The following DIAPH3 variants were observed in gnomAD, a reference collection of about 807,000 sequenced individuals.
The protein encoded by DIAPH3 is diaphanous related formin 3, also known as protein diaphanous homolog 3.
Under a neutral mutation model 144.3 loss-of-function variants are expected in DIAPH3, and 117 were observed. That is an observed-to-expected ratio of 0.81 (90% confidence interval 0.70 to 0.95). The LOEUF is 0.95. Ranked by LOEUF, DIAPH3 falls within the 40% of genes least tolerant of loss-of-function variation. The pLI, the probability that DIAPH3 is intolerant of heterozygous loss-of-function variation, is 0.00. For missense variants in DIAPH3, 1,421 were observed against 1,412.7 expected (o/e 1.01, Z -0.09); for synonymous variants, 519 against 488.9 (o/e 1.06, Z -0.81).
chr13:59,888,288 A>G (rs2045574498), intron 20 of DIAPH3, among the ~76,000 whole-genome samples: 1 of 152,122 alleles, frequency 6.6e-6, no homozygotes, highest in East Asian at 1.9e-4. Flanking sequence ...AAGGCAACAT[A>G]TATGAATCAG....
intron 5 of DIAPH3, among the ~76,000 whole-genome samples, chr13:60,029,054 T>C (rs1438191385): frequency 2.1e-5 from 1 of 47,286 alleles, no homozygotes; most frequent in Non-Finnish European, 4.0e-5. Flanking sequence ...CAAGACTCCG[T>C]CTCAAAAAAA....
chr13:59,711,177 T>C (rs528627701), intron 27 of DIAPH3, among the ~76,000 whole-genome samples: 1 of 152,270 alleles, frequency 6.6e-6, no homozygotes, highest in Admixed American at 6.5e-5. Flanking sequence ...ACTCATAAAA[T>C]ACACTCCCCA....
intron 27 of DIAPH3, among the ~76,000 whole-genome samples, chr13:59,714,254 GGAGGCTGAGGCAGGA>G (rs1373887169): frequency 6.7e-6 from 1 of 150,260 alleles, no homozygotes; most frequent in Non-Finnish European, 1.5e-5. Context: ...CAGCTACTTG[GGAGGCTGAGGCAGGA>G]GAATGGCGTG....
chr13:59,698,325 G>C (rs987547306), intron 27 of DIAPH3, among the ~76,000 whole-genome samples: 2 of 152,052 alleles, frequency 1.3e-5, no homozygotes, highest in African/African-American at 4.8e-5. Context: ...TTTCCTTGTG[G>C]TAAACTGATC....
chr13:60,055,244 AC>A (rs1372137900), intron 4 of DIAPH3, among the ~76,000 whole-genome samples: 4 of 151,972 alleles, frequency 2.6e-5, no homozygotes. Flanking sequence ...CTAATTTTAG[AC>A]AATTAGAAAT....
At chr13:59,879,882 G>A (rs1484843012) in intron 20 of DIAPH3, among the ~76,000 whole-genome samples, 1 of 152,120 alleles carries the variant, frequency 6.6e-6, no homozygotes, top group South Asian at 2.1e-4. Context: ...AGTCTAAAGA[G>A]GGTTTGTTTT....
Position 59,666,342 on chromosome 13 carries a change from AG to A in DIAPH3, c.*241del. ...AATTTAACCACCAAATAAAGAACTG[AG>A]GAATACCAGGAGACAAAAAAAAAAA... On this transcript the variant is annotated 3_prime_UTR_variant, in exon 28 of 28. Transcript: ENST00000400324. 1 of 443,104 alleles carries A rather than the reference AG, an allele frequency of 2.3e-6. No homozygotes were observed. Among genetic ancestry groups the A allele is most frequent in the Non-Finnish European group, 3.8e-6 (1 of 261,576 alleles). The allele number at this position is 443,104 out of a possible 1,614,324, so 27.4% of individuals were successfully genotyped here. A position where few individuals can be genotyped will look rare whatever the true frequency, so the allele number is the denominator to read the frequency against.
At chr13:59,798,440 T>C (rs2039725662) in intron 25 of DIAPH3, among the ~76,000 whole-genome samples, 1 of 152,246 alleles carries the variant, frequency 6.6e-6, no homozygotes, top group African/African-American at 2.4e-5. Flanking sequence ...TCAGGCCTGC[T>C]ACATTACTGG....
At chr13:60,060,758 AAATT>A (rs1245994539) in intron 4 of DIAPH3, among the ~76,000 whole-genome samples, 2 of 152,126 alleles carry the variant, frequency 1.3e-5, no homozygotes, top group African/African-American at 4.8e-5. Context: ...TAATAGACCT[AAATT>A]TACTCAACTA....
intron 5 of DIAPH3, among the ~76,000 whole-genome samples, chr13:60,018,023 C>T (rs1233168650): frequency 6.6e-6 from 1 of 152,160 alleles, no homozygotes; most frequent in East Asian, 1.9e-4. Flanking sequence ...TCCTATTTCA[C>T]ATGCAGCAGG....
intron 14 of DIAPH3, among the ~76,000 whole-genome samples, chr13:59,977,282 T>C (rs1330623437): frequency 6.6e-6 from 1 of 151,798 alleles, no homozygotes. Context: ...GAATGATGTT[T>C]GACCTCAAAG....
intron 20 of DIAPH3, among the ~76,000 whole-genome samples, chr13:59,893,627 T>C (rs2045932492): frequency 6.6e-6 from 1 of 151,954 alleles, no homozygotes; most frequent in African/African-American, 2.4e-5. Context: ...TTCTTGGTGG[T>C]CTTCTAGGGA....
At chr13:59,851,065 C>A (rs529592257) in intron 22 of DIAPH3, among the ~76,000 whole-genome samples, 1 of 150,712 alleles carries the variant, frequency 6.6e-6, no homozygotes, top group East Asian at 1.9e-4. Context: ...CGGGCAGAGA[C>A]ACAACCAAAA....
At chr13:60,091,786 C>G (rs919938136) in intron 4 of DIAPH3, among the ~76,000 whole-genome samples, 1 of 152,042 alleles carries the variant, frequency 6.6e-6, no homozygotes, top group Non-Finnish European at 1.5e-5. Context: ...GAGGCAGTCA[C>G]CAGTCATAAA....
chr13:60,079,889 T>G (rs919340108), intron 4 of DIAPH3, among the ~76,000 whole-genome samples: 2 of 151,976 alleles, frequency 1.3e-5, no homozygotes, highest in African/African-American at 4.8e-5. Context: ...AGGCTCATTT[T>G]ACACTTTACT....
chr13:59,873,851 T>C (rs2044438401), intron 21 of DIAPH3, among the ~76,000 whole-genome samples: 1 of 151,960 alleles, frequency 6.6e-6, no homozygotes, highest in South Asian at 2.1e-4. Context: ...TTTGTAGTTT[T>C]AGTAGAGACA....
chr13:60,162,809 T>TCTCTCACACACA lies in DIAPH3; in HGVS notation c.180+777_180+778insTGTGTGTGAGAG, dbSNP rs1555388530. Among the ~76,000 whole-genome samples, 3 of 122,518 alleles carry TCTCTCACACACA rather than the reference T, an allele frequency of 2.4e-5. No individual in the cohort carries two copies. The East Asian group carries it at 7.4e-4, about 30-fold the overall frequency. The allele number at this position is 122,518 out of a possible 152,430, so 80.4% of individuals were successfully genotyped here. A position where few individuals can be genotyped will look rare whatever the true frequency, so the allele number is the denominator to read the frequency against. Reference sequence around the variant, plus strand: ...CTCTCTCTCTCTCTCTCTCTCTCTCTCACACACACACACACACACACACAC... The same window carrying TCTCTCACACACA: ...CTCTCTCTCTCTCTCTCTCTCTCTCTCTCTCACACACACACACACACACACACACACACACAC... On this transcript the variant is annotated intron_variant, in intron 1 of 27. Coordinates refer to ENST00000400324, the MANE Select transcript of DIAPH3 (RefSeq NM_001042517.2).
intron 20 of DIAPH3, among the ~76,000 whole-genome samples, chr13:59,902,444 G>A (rs767320981): frequency 1.1e-4 from 17 of 152,116 alleles, no homozygotes; most frequent in Non-Finnish European, 1.9e-4. Flanking sequence ...CATGCTTCCT[G>A]TAAGGCTCGC....
At chr13:59,983,642 T>C in intron 13 of DIAPH3, 127 bp downstream of exon 13, 1 of 659,774 alleles carries the variant, frequency 1.5e-6, no homozygotes, top group East Asian at 2.7e-5. Context: ...TTTGTGCTAT[T>C]ATGAAAACAG....
Sources: allele counts gnomAD v4.1 joint callset (sites outside exome capture counted in the v4.1 genomes callset), GRCh38; gene constraint gnomAD v4.1.1; transcripts MANE v1.5; gene names NCBI Gene and HGNC (gene_info 2026-07-23, HGNC 2026-07-21).